The following ZNF516 variants were observed in gnomAD, a reference collection of about 807,000 sequenced individuals.
ZNF516 encodes the protein zinc finger protein 516.
A neutral mutation model predicts 79.7 loss-of-function variants in ZNF516; 19 were observed. The ratio of observed to expected loss-of-function variants is 0.24; its 90% CI spans 0.17 to 0.35. The LOEUF (loss-of-function observed/expected upper bound fraction) is 0.35, where lower values mean the gene tolerates loss of function less well. ZNF516 is among the 10% of genes least tolerant of loss of function. The pLI, the probability that ZNF516 is intolerant of heterozygous loss-of-function variation, is 1.00. For synonymous variants in ZNF516, 877 were observed against 739.5 expected (o/e 1.19, Z -3.02); for missense variants, 1,678 against 1,679.5 (o/e 1.00, Z 0.02).
intron 3 of ZNF516, among the ~76,000 whole-genome samples, chr18:76,382,002 C>T (rs1040923722): frequency 1.8e-4 from 27 of 152,078 alleles, no homozygotes; most frequent in Admixed American, 9.2e-4. Context: ...TGTAGTGGCA[C>T]GCGCCTGAAG....
intron 4 of ZNF516, among the ~76,000 whole-genome samples, chr18:76,376,873 G>A (rs549322938): frequency 1.8e-4 from 28 of 152,226 alleles, no homozygotes; most frequent in East Asian, 1.4e-3. Flanking sequence ...GGCGGCCACC[G>A]GGGGAAGGAC....
intron 1 of ZNF516, among the ~76,000 whole-genome samples, chr18:76,464,344 G>A (rs1478337684): frequency 1.3e-5 from 2 of 152,122 alleles, no homozygotes; most frequent in Non-Finnish European, 2.9e-5. Context: ...TGCACTCCAG[G>A]CTGGGCGACA....
chr18:76,484,437 T>A (rs1174123895), intron 1 of ZNF516, among the ~76,000 whole-genome samples: 1 of 152,198 alleles, frequency 6.6e-6, no homozygotes, highest in Non-Finnish European at 1.5e-5. Flanking sequence ...TCACGGTCAT[T>A]ACACCAAGTC....
intron 1 of ZNF516, among the ~76,000 whole-genome samples, chr18:76,472,164 C>T (rs867867354): frequency 1.3e-5 from 2 of 152,222 alleles, no homozygotes; most frequent in Non-Finnish European, 2.9e-5. Context: ...TGGCCTGTGA[C>T]GCTTCCTCCC....
rs150583375 is a variant in ZNF516 at position 76,402,243 on chromosome 18, G to A, written c.1811-21940C>T. 1.0e-3 allele frequency among the ~76,000 whole-genome samples: 153 copies of A among 152,306 alleles called. 1 individual carries two copies. In the Middle Eastern group the frequency reaches 0.01, roughly 10 times the overall value. On this transcript the variant is annotated intron_variant, in intron 3 of 6. Transcript: ENST00000443185. ...CCTCTTGCTGAGTTCAGCAGTGAAC[G>A]AGGCACACACTGGGCTGTCCCGCGC...
chr18:76,479,968 G>C (rs1284922965), intron 1 of ZNF516, among the ~76,000 whole-genome samples: 1 of 152,158 alleles, frequency 6.6e-6, no homozygotes, highest in African/African-American at 2.4e-5. Flanking sequence ...GTCCTGGTTT[G>C]AAAACAAATA....
At chr18:76,492,333 A>C (rs184729740) in intron 1 of ZNF516, 1 of 985,418 alleles carries the variant, frequency 1.0e-6, no homozygotes, top group East Asian at 1.1e-4. Flanking sequence ...TCGGTGCCAC[A>C]GTAAGTCAGC....
At chr18:76,375,295 G>C (rs1446345731) in intron 4 of ZNF516, among the ~76,000 whole-genome samples, 1 of 152,128 alleles carries the variant, frequency 6.6e-6, no homozygotes, top group African/African-American at 2.4e-5. Context: ...TGAAGGTCCT[G>C]GACACCAGGT....
chr18:76,378,449 G>A (rs1473690231), intron 4 of ZNF516, among the ~76,000 whole-genome samples: 1 of 152,182 alleles, frequency 6.6e-6, no homozygotes, highest in Non-Finnish European at 1.5e-5. Flanking sequence ...TGTCTTTTGA[G>A]AGACAGGACA....
In ZNF516 at chr18:76,442,646, C is replaced by G; in HGVS notation, c.409G>C (p.Ala137Pro). ...LLNGASQADGARVLNGASQAD... is the reference protein window; with the variant it reads ...LLNGASQADGPRVLNGASQAD... ...TGCGAGGCCCCGTTCAGGACCCTGG[C>G]GCCGTCGGCCTGCGAGGCCCCGTTC... The change falls in exon 3 of 7, where the codon GCC (alanine) becomes CCC (proline). Residue 137 changes from alanine to proline, a missense_variant. Transcript: ENST00000443185. 6.3e-7 allele frequency: 1 copy of G among 1,587,908 alleles called. No homozygotes were observed. The highest frequency in any genetic ancestry group is 1.3e-5 in the African/African-American group (1 of 74,566).
chr18:76,481,207 G>A (rs1914504954), intron 1 of ZNF516, among the ~76,000 whole-genome samples: 1 of 152,228 alleles, frequency 6.6e-6, no homozygotes, highest in African/African-American at 2.4e-5. Flanking sequence ...AGCTGACCCA[G>A]AAATTTTTTT....
intron 6 of ZNF516, among the ~76,000 whole-genome samples, chr18:76,369,596 T>TA (rs1345447988): frequency 6.6e-6 from 1 of 152,132 alleles, no homozygotes; most frequent in Non-Finnish European, 1.5e-5. Flanking sequence ...CACTAGATCA[T>TA]AGAGTCTTGA....
Position 76,459,920 on chromosome 18 carries a change from T to G in ZNF516, c.-158+3108A>C, listed in dbSNP as rs1297574110. ...CTTTACGTAGGCAGCCTCCTTGGCA[T>G]CGGGCAGGTCTGTCTCACCAGTCCC... On this transcript the variant is annotated intron_variant, in intron 2 of 6. Coordinates refer to ENST00000443185, the MANE Select transcript of ZNF516 (RefSeq NM_014643.4). This position sits in a 1 kb window ranked among gnomAD's most constrained non-coding sequence, Gnocchi z 5.0. Among the ~76,000 whole-genome samples, 1 of 152,198 alleles carries G rather than the reference T, an allele frequency of 6.6e-6. No individual in the cohort carries two copies.
intron 3 of ZNF516, among the ~76,000 whole-genome samples, chr18:76,430,938 T>C (rs1378768059): frequency 6.6e-6 from 1 of 152,230 alleles, no homozygotes; most frequent in East Asian, 1.9e-4. Context: ...TATCGCTATG[T>C]GAACCATGCA....
intron 2 of ZNF516, among the ~76,000 whole-genome samples, chr18:76,460,278 G>A (rs563267090): frequency 1.1e-4 from 16 of 152,232 alleles, no homozygotes; most frequent in Admixed American, 3.3e-4. Flanking sequence ...TTTCACAGAC[G>A]AGGACGCTGA....
intron 3 of ZNF516, among the ~76,000 whole-genome samples, chr18:76,403,357 C>A (rs764805407): frequency 1.3e-5 from 2 of 152,174 alleles, no homozygotes; most frequent in East Asian, 1.9e-4. Context: ...CACACCAACA[C>A]AGGTACACAT....
rs900695955 is a variant in ZNF516 at position 76,467,506 on chromosome 18, A to T, written c.-271-4365T>A. ...ACCTCGGGGGCAGTGCTGGAATTACAGCATCCACAGGTGCTGGGCTTTCCT... is the reference window on the plus strand; with the variant it reads ...ACCTCGGGGGCAGTGCTGGAATTACTGCATCCACAGGTGCTGGGCTTTCCT... On this transcript the variant is annotated intron_variant, in intron 1 of 6. Transcript: ENST00000443185. This position sits in a 1 kb window ranked among gnomAD's most constrained non-coding sequence, Gnocchi z 4.2. Among the ~76,000 whole-genome samples, 1 of 152,144 alleles carries T rather than the reference A, an allele frequency of 6.6e-6. No individual in the cohort carries two copies. The highest frequency in any genetic ancestry group is 1.5e-5 in the Non-Finnish European group (1 of 68,008).
Position 76,379,472 on chromosome 18 carries a change from C to G in ZNF516, c.2642G>C (p.Gly881Ala). The G allele has an allele frequency of 1.2e-6, 2 of 1,613,632 alleles. No individual in the cohort carries two copies. Among genetic ancestry groups the G allele is most frequent in the Non-Finnish European group, 8.5e-7 (1 of 1,179,882 alleles). The change falls in exon 4 of 7, where the codon GGC becomes GCC. Residue 881 changes from glycine (G) to alanine (A), a missense_variant. Gly to Ala is a moderately conservative substitution (Grantham distance 60). This residue lies in a region of ZNF516 where 1,294 missense variants were observed against 1,248.3 expected (regional missense o/e 1.04). Transcript: ENST00000443185. ...TTTGGTCTGTCGATACCCGTCAGGG[C>G]CGGGCGCCCACAGAGCGCAGGGACC... is the stretch of plus-strand genomic sequence containing the variant. ...SGGPCALWAP[G>A]PDGYRQTKPC...
chr18:76,366,984 G>C (rs1368696251), intron 6 of ZNF516, among the ~76,000 whole-genome samples: 1 of 152,322 alleles, frequency 6.6e-6, no homozygotes, highest in East Asian at 1.9e-4. Context: ...ACAGCTATTA[G>C]ATACAGTCTC....
Sources: allele counts gnomAD v4.1 joint callset (sites outside exome capture counted in the v4.1 genomes callset), GRCh38; gene constraint gnomAD v4.1.1; regional missense constraint gnomAD v4.1.1; non-coding constraint Gnocchi (gnomAD v3.1); transcripts MANE v1.5; gene names NCBI Gene and HGNC (gene_info 2026-07-23, HGNC 2026-07-21).